HPCAL1: variants seen among roughly 807,000 people sequenced by gnomAD.
HPCAL1 encodes hippocalcin like 1, also known as hippocalcin-like protein 1.
HPCAL1 carries 8 observed loss-of-function variants against 17.1 expected under a neutral mutation model. That is an observed-to-expected ratio of 0.47 (90% CI 0.27 to 0.84). The LOEUF is 0.84. HPCAL1 is among the 40% of genes least tolerant of loss of function. HPCAL1 has a pLI of 0.13. For synonymous variants in HPCAL1, 112 were observed against 111.4 expected (o/e 1.01, Z -0.03); for missense variants, 165 against 271.1 (o/e 0.61, Z 2.75).
At chr2:10,313,845 C>T (rs1250169523) in intron 1 of HPCAL1, among the ~76,000 whole-genome samples, 1 of 152,150 alleles carries the variant, frequency 6.6e-6, no homozygotes, top group Non-Finnish European at 1.5e-5. Flanking sequence ...AAAATGAAAC[C>T]TCTTGGGCCG....
chr2:10,394,969 G>A lies in HPCAL1; in HGVS notation c.-110-1866G>A, dbSNP rs1035148841. Among the ~76,000 whole-genome samples the A allele has an allele frequency of 6.6e-5, 10 of 150,882 alleles. No homozygotes were observed. The highest frequency in any genetic ancestry group is 3.4e-3 in the Middle Eastern group (1 of 290). On this transcript the variant is annotated intron_variant, in intron 1 of 4. Transcript: ENST00000307845. This position sits in a 1 kb window ranked among gnomAD's most constrained non-coding sequence, Gnocchi z 5.0. ...CACCACCACGCATGGCTAATTTTTT[G>A]TATTTTTAGTAGAGATGGCATTTCA...
intron 1 of HPCAL1, among the ~76,000 whole-genome samples, chr2:10,376,299 T>C (rs1667556196): frequency 6.6e-6 from 1 of 152,222 alleles, no homozygotes. Flanking sequence ...ATTAACATAA[T>C]TTTAAAAGAT....
rs564842138 is a variant in HPCAL1, at chr2:10,365,175, G to A, written c.-110-31660G>A. On this transcript the variant is annotated intron_variant, in intron 1 of 4. Coordinates refer to ENST00000307845, the MANE Select transcript of HPCAL1 (RefSeq NM_002149.4). The surrounding 1 kb of genome is among the most constrained non-coding windows in gnomAD (Gnocchi z 4.8). The stretch of plus-strand genomic sequence containing the variant: ...TTCTGAACTTAGCCACCTCATGTAC[G>A]GAAGGAGAAATGGAGGCCGCCAGAG... Among the ~76,000 whole-genome samples, 2 of 152,278 alleles carry A rather than the reference G, an allele frequency of 1.3e-5. No homozygotes were observed. The highest frequency in any genetic ancestry group is 4.8e-5 in the African/African-American group (2 of 41,554).
Position 10,342,423 on chromosome 2 carries a change from C to T in HPCAL1, c.-111+39246C>T, listed in dbSNP as rs1247233086. ...GGGTCCTGGGATATAGCCACATGTG[C>T]AGTCCGTGCCTCCAGCGCGCAGCCT... On this transcript the variant is annotated intron_variant, in intron 1 of 4. Transcript: ENST00000307845. This position sits in a 1 kb window ranked among gnomAD's most constrained non-coding sequence, Gnocchi z 4.1. Among the ~76,000 whole-genome samples the T allele has an allele frequency of 6.6e-6, 1 of 151,808 alleles. No individual in the cohort carries two copies. The highest frequency in any genetic ancestry group is 6.6e-5 in the Admixed American group (1 of 15,248).
chr2:10,349,440 G>C lies in HPCAL1; in HGVS notation c.-111+46263G>C, dbSNP rs186145506. Among the ~76,000 whole-genome samples the C allele has an allele frequency of 1.1e-3, 171 of 152,010 alleles. 1 individual carries two copies. Among genetic ancestry groups the C allele is most frequent in the African/African-American group, 3.8e-3 (156 of 41,466 alleles). On this transcript the variant is annotated intron_variant, in intron 1 of 4. Coordinates refer to ENST00000307845, the MANE Select transcript of HPCAL1 (RefSeq NM_002149.4). ...AATGATATAGACGCCGGGCACGGTG[G>C]CTCACACCTGTAATCGCAGCACTTT...
At chr2:10,324,824 T>G (rs1237190418) in intron 1 of HPCAL1, among the ~76,000 whole-genome samples, 1 of 112,208 alleles carries the variant, frequency 8.9e-6, no homozygotes, top group African/African-American at 3.2e-5. Context: ...GTGTTTTTTT[T>G]TTTTTTTTTT....
At chr2:10,418,356 C>T (rs1670805715) in intron 2 of HPCAL1, among the ~76,000 whole-genome samples, 1 of 149,216 alleles carries the variant, frequency 6.7e-6, no homozygotes, top group East Asian at 2.0e-4. Context: ...ATTGCTTGAA[C>T]CCAGGAGGTG....
At position 10,343,723 on chromosome 2, in the gene HPCAL1, T is replaced by A. The variant is rs1312092821; in HGVS notation, c.-111+40546T>A. On this transcript the variant is annotated intron_variant, in intron 1 of 4. Coordinates refer to ENST00000307845, the MANE Select transcript of HPCAL1 (RefSeq NM_002149.4). The surrounding 1 kb of genome is among the most constrained non-coding windows in gnomAD (Gnocchi z 4.8). ...TAAGAGCAGAAACAAAACTCATCCT[T>A]GCGAAGGGACTTTTAGATCAGTGGC... is the stretch of plus-strand genomic sequence containing the variant. 6.6e-6 allele frequency among the ~76,000 whole-genome samples: 1 copy of A among 152,228 alleles called. No individual in the cohort carries two copies. The highest frequency in any genetic ancestry group is 2.4e-5 in the African/African-American group (1 of 41,456).
chr2:10,335,563 G>A (rs556926695), intron 1 of HPCAL1, among the ~76,000 whole-genome samples: 2 of 152,326 alleles, frequency 1.3e-5, no homozygotes, highest in African/African-American at 4.8e-5. Flanking sequence ...CTGACTTTTG[G>A]AGGGTCATTT....
chr2:10,352,270 C>A (rs1272709189), intron 1 of HPCAL1, among the ~76,000 whole-genome samples: 1 of 152,178 alleles, frequency 6.6e-6, no homozygotes, highest in African/African-American at 2.4e-5. Context: ...CACCTTCCCT[C>A]TCCCCATCTC....
At position 10,359,381 on chromosome 2, in the gene HPCAL1, C is replaced by G. The variant is rs1666382443; in HGVS notation, c.-110-37454C>G. Reference sequence around the variant, plus strand: ...CTCACCTCTGTTTTCCCTTCTAGCCCCTGCAGGCAGGAGACTTCAACGCAG... The same window carrying G: ...CTCACCTCTGTTTTCCCTTCTAGCCGCTGCAGGCAGGAGACTTCAACGCAG... On this transcript the variant is annotated intron_variant, in intron 1 of 4. Coordinates refer to ENST00000307845, the MANE Select transcript of HPCAL1 (RefSeq NM_002149.4). This position sits in a 1 kb window ranked among gnomAD's most constrained non-coding sequence, Gnocchi z 4.1. Among the ~76,000 whole-genome samples the G allele has an allele frequency of 6.6e-6, 1 of 152,190 alleles. No individual in the cohort carries two copies. Among genetic ancestry groups the G allele is most frequent in the Non-Finnish European group, 1.5e-5 (1 of 68,032 alleles).
chr2:10,380,582 C>G (rs1474171935), intron 1 of HPCAL1, among the ~76,000 whole-genome samples: 1 of 152,204 alleles, frequency 6.6e-6, no homozygotes, highest in Admixed American at 6.5e-5. Context: ...CAGGGCTGAG[C>G]TACTTCTGTC....
intron 3 of HPCAL1, 74 bp downstream of exon 3, chr2:10,420,209 CTTTTTTTTTT>C: frequency 5.3e-6 from 3 of 571,276 alleles, no homozygotes; most frequent in Admixed American, 4.7e-5. Context: ...CAGCCCAGGG[CTTTTTTTTTT>C]TTTTTTTTTT....
rs1664261970 is a variant in HPCAL1 at position 10,330,082 on chromosome 2, G to GT, written c.-111+26905_-111+26906insT. ...CCTGTTATTTAAATCTTGGTCCTTT[G>GT]ATTTTTTTTTTTTTTCCTTTTAGAG... On this transcript the variant is annotated intron_variant, in intron 1 of 4. Transcript: ENST00000307845. This position sits in a 1 kb window ranked among gnomAD's most constrained non-coding sequence, Gnocchi z 4.2. 7.4e-6 allele frequency: 1 copy of GT among 135,244 alleles called. No homozygotes were observed. Among genetic ancestry groups the GT allele is most frequent in the East Asian group, 2.6e-4 (1 of 3,818 alleles). The allele number at this position is 135,244 out of a possible 1,614,324, so 8.4% of individuals were successfully genotyped here. A position where few individuals can be genotyped will look rare whatever the true frequency, so the allele number is the denominator to read the frequency against.
chr2:10,385,863 C>G (rs1020373137), intron 1 of HPCAL1, among the ~76,000 whole-genome samples: 32 of 152,104 alleles, frequency 2.1e-4, no homozygotes, highest in Non-Finnish European at 4.6e-4. Context: ...CCCTGGACGC[C>G]TGGTTCCAGG....
intron 4 of HPCAL1, 187 bp downstream of exon 4, chr2:10,423,275 T>C (rs934390654): frequency 3.0e-5 from 18 of 607,138 alleles, no homozygotes; most frequent in Non-Finnish European, 4.2e-5. Flanking sequence ...TGCTGTATCC[T>C]GGCTCCTCTG....
chr2:10,368,914 G>A (rs1667034835), intron 1 of HPCAL1: 1 of 152,222 alleles, frequency 6.6e-6, no homozygotes, highest in African/African-American at 2.4e-5. Context: ...TGCCGTAACT[G>A]GCTTCGTTTT....
At chr2:10,423,476 G>A (rs898164343) in intron 4 of HPCAL1, 1 of 201,618 alleles carries the variant, frequency 5.0e-6, no homozygotes, top group African/African-American at 2.3e-5. Context: ...TGCTGGCCAT[G>A]CCTCTCTTGC....
At chr2:10,381,638 CTT>C (rs763931534) in intron 1 of HPCAL1, among the ~76,000 whole-genome samples, 1 of 152,106 alleles carries the variant, frequency 6.6e-6, no homozygotes, top group Non-Finnish European at 1.5e-5. Flanking sequence ...AATTTTGAGA[CTT>C]TGGTTCACAG....
Sources: gnomAD v4.1 joint callset for allele counts (sites outside exome capture counted in the v4.1 genomes callset) on GRCh38, gnomAD v4.1.1 for gene constraint, Gnocchi (gnomAD v3.1) non-coding constraint, MANE v1.5 for transcripts, NCBI Gene and HGNC (gene_info 2026-07-23, HGNC 2026-07-21) for gene names.